Variants in DPH6 observed in about 807,000 individuals in gnomAD.
DPH6 encodes the protein diphthamine biosynthesis 6.
A neutral mutation model predicts 38.2 loss-of-function variants in DPH6; 33 were observed. That is an observed-to-expected ratio of 0.86 (90% CI 0.65 to 1.15). The LOEUF is 1.15. Among genes scored for constraint, DPH6 ranks in the 50% most tolerant of loss-of-function variants. The pLI is 0.00. For missense variants in DPH6, 325 were observed against 320.0 expected (o/e 1.02, Z -0.12); for synonymous variants, 108 against 103.0 (o/e 1.05, Z -0.30).
intron 3 of DPH6, among the ~76,000 whole-genome samples, chr15:35,471,719 C>A (rs1425631801): frequency 6.6e-6 from 1 of 152,212 alleles, no homozygotes. Flanking sequence ...TCATTCTTCA[C>A]AACCTATGAA....
chr15:35,218,409 T>C (rs2051422399), exon 4 of DPH6: 1 of 152,234 alleles, frequency 6.6e-6, no homozygotes, highest in Non-Finnish European at 1.5e-5. Context: ...TTCAGTGACC[T>C]TCTGACTTGA....
intron 6 of DPH6, among the ~76,000 whole-genome samples, chr15:35,405,991 T>C (rs970389733): frequency 6.6e-6 from 1 of 152,066 alleles, no homozygotes; most frequent in African/African-American, 2.4e-5. Flanking sequence ...CATTATTTTA[T>C]TGTGTTGAAT....
chr15:35,514,572 T>C (rs1040426986), intron 3 of DPH6, among the ~76,000 whole-genome samples: 3 of 152,162 alleles, frequency 2.0e-5, no homozygotes, highest in African/African-American at 7.2e-5. Context: ...AATTGGAAGT[T>C]TGATTTAATT....
intron 3 of DPH6, among the ~76,000 whole-genome samples, chr15:35,479,679 C>T (rs2054303419): frequency 6.6e-6 from 1 of 152,008 alleles, no homozygotes; most frequent in Non-Finnish European, 1.5e-5. Flanking sequence ...TTTCTGGTCT[C>T]CTCTCACATC....
At chr15:35,196,874 C>T in the DPH6 span, among the ~76,000 whole-genome samples, 1 of 152,082 alleles carries the variant, frequency 6.6e-6, no homozygotes, top group Non-Finnish European at 1.5e-5. Flanking sequence ...AAACTATTAC[C>T]ATGTTTAAAT....
chr15:35,352,759 A>G (rs1298879837), intron 3 of DPH6, among the ~76,000 whole-genome samples: 10 of 152,226 alleles, frequency 6.6e-5, no homozygotes, highest in Admixed American at 1.3e-4. Flanking sequence ...ATGTGTCTTT[A>G]GAGCAGCATG....
At chr15:35,425,052 C>A (rs904826569) in intron 5 of DPH6, among the ~76,000 whole-genome samples, 2 of 151,626 alleles carry the variant, frequency 1.3e-5, no homozygotes, top group African/African-American at 4.8e-5. Flanking sequence ...TGCAAATGTA[C>A]TCACATATAG....
At position 35,546,130 on chromosome 15, in the gene DPH6, C is replaced by A; in HGVS notation, c.12G>T (p.Ala4=). Residue 4 remains alanine (A), a synonymous_variant, in exon 1 of 9, where the codon GCG becomes GCT. Coordinates refer to ENST00000256538, the MANE Select transcript of DPH6 (RefSeq NM_080650.4). ...CAGGACCGCATTACCTGATCAGAGC[C>A]GCGACCCTCATGCTGGGCGCAGTGC... The part of the protein sequence containing the change: MRV[A]ALISGGKDSC... 2 of 1,405,440 alleles carry A rather than the reference C, an allele frequency of 1.4e-6. No individual in the cohort carries two copies. Among genetic ancestry groups the A allele is most frequent in the Non-Finnish European group, 1.9e-6 (2 of 1,065,446 alleles). 87.1% of individuals were successfully genotyped at this position (1,405,440 alleles called of 1,614,324 possible).
In DPH6 at chr15:35,236,211, A is replaced by G. The variant is rs186148036; in HGVS notation, n.201-15629T>C. 2.2e-4 allele frequency among the ~76,000 whole-genome samples: 34 copies of G among 152,360 alleles called. No individual in the cohort carries two copies. The East Asian group carries it at 6.0e-3, about 27-fold the overall frequency. On this transcript the variant is annotated intron_variant and non_coding_transcript_variant, in intron 3 of 3. Coordinates refer to the DPH6 transcript ENST00000560386. ...ATATCTAGGTCCATATAAGTAGTCA[A>G]AAAGTAAGAAGCATCAAACTGAATT...
chr15:35,355,284 C>T (rs1460018269), intron 3 of DPH6, among the ~76,000 whole-genome samples: 1 of 152,166 alleles, frequency 6.6e-6, no homozygotes, highest in Non-Finnish European at 1.5e-5. Context: ...AGCCCATTTA[C>T]ATTTAAGGTT....
At chr15:35,319,748 T>TATTCAAGAA (rs1354045342) in intron 3 of DPH6, among the ~76,000 whole-genome samples, 1 of 151,750 alleles carries the variant, frequency 6.6e-6, no homozygotes, top group East Asian at 1.9e-4. Flanking sequence ...TCAAGAAATA[T>TATTCAAGAA]ATGTATTTCT....
chr15:35,267,096 T>C (rs1379264789), intron 3 of DPH6, among the ~76,000 whole-genome samples: 2 of 152,136 alleles, frequency 1.3e-5, no homozygotes, highest in Admixed American at 1.3e-4. Flanking sequence ...AAATAAAATA[T>C]ATAATCCAAG....
the DPH6 span, among the ~76,000 whole-genome samples, chr15:35,185,878 G>A: frequency 0.084 from 12,661 of 151,570 alleles, 697 homozygotes; most frequent in East Asian, 0.3. Context: ...GACTACGGGC[G>A]CCCGCCACCA....
intron 6 of DPH6, chr15:35,400,834 C>A: frequency 3.9e-6 from 3 of 773,972 alleles, no homozygotes; most frequent in Non-Finnish European, 7.0e-6. Flanking sequence ...AATGAGAGAT[C>A]CAAACACCAA....
At chr15:35,436,844 G>C (rs2141048143) in intron 5 of DPH6, among the ~76,000 whole-genome samples, 1 of 148,714 alleles carries the variant, frequency 6.7e-6, no homozygotes, top group Non-Finnish European at 1.5e-5. Flanking sequence ...CATTTTACTA[G>C]GCCAGGACAC....
chr15:35,179,218 A>G, the DPH6 span, among the ~76,000 whole-genome samples: 1 of 151,280 alleles, frequency 6.6e-6, no homozygotes, highest in Non-Finnish European at 1.5e-5. Flanking sequence ...AAAAAAAAAA[A>G]AAAAAAAAAG....
intron 3 of DPH6, among the ~76,000 whole-genome samples, chr15:35,492,214 C>G (rs929682719): frequency 5.3e-5 from 8 of 152,032 alleles, no homozygotes; most frequent in East Asian, 1.9e-4. Flanking sequence ...TCTATTAAGG[C>G]CTCCAACACA....
At position 35,407,585 on chromosome 15, in the gene DPH6, T is replaced by C. The variant is rs80298605; in HGVS notation, c.567+3250A>G. On this transcript the variant is annotated intron_variant, in intron 6 of 8. Transcript: ENST00000256538. ...AAACAGATGAACAAATAAAATAATTTGCAGAGATCTGCTTTAGCTAGGGTA... is the reference window on the plus strand; with the variant it reads ...AAACAGATGAACAAATAAAATAATTCGCAGAGATCTGCTTTAGCTAGGGTA... Among the ~76,000 whole-genome samples the C allele has an allele frequency of 3.5e-3, 536 of 152,152 alleles. 2 individuals are homozygous for C. Among genetic ancestry groups the C allele is most frequent in the Non-Finnish European group, 3.4e-3 (231 of 67,942 alleles).
At chr15:35,155,242 A>T in the DPH6 span, among the ~76,000 whole-genome samples, 32 of 146,320 alleles carry the variant, frequency 2.2e-4, no homozygotes, top group African/African-American at 6.1e-4. Flanking sequence ...TAAACTCCTT[A>T]TAACTGAAAC....
Sources: allele counts gnomAD v4.1 joint callset (sites outside exome capture counted in the v4.1 genomes callset), GRCh38; gene constraint gnomAD v4.1.1; transcripts MANE v1.5; gene names NCBI Gene and HGNC (gene_info 2026-07-23, HGNC 2026-07-21).